Variants in ZNF438 observed in about 807,000 individuals in gnomAD.
ZNF438 encodes the protein zinc finger protein 438.
In ZNF438, 25 loss-of-function variants were observed where a neutral mutation model predicts 38.0. The observed-to-expected ratio is 0.66, with a 90% CI of 0.48 to 0.92. The LOEUF is 0.92. Among genes scored for constraint, ZNF438 ranks in the 40% least tolerant of loss-of-function variants. The pLI, the probability that ZNF438 is intolerant of heterozygous loss-of-function variation, is 0.00. For synonymous variants in ZNF438, 372 were observed against 364.1 expected (o/e 1.02, Z -0.25); for missense variants, 1,007 against 999.6 (o/e 1.01, Z -0.10).
rs142394050 is a variant in ZNF438, at chr10:30,975,800, A to G, written c.-191-34149T>C. Among the ~76,000 whole-genome samples, 617 of 152,322 alleles carry G rather than the reference A, an allele frequency of 4.1e-3. 7 individuals carry two copies. Among genetic ancestry groups the G allele is most frequent in the African/African-American group, 0.014 (579 of 41,586 alleles). ...TGGTTTAAGATTCCTTTTGATAAAT[A>G]CTTGAAAAAGTAGAAATTAAGGTTG... On this transcript the variant is annotated intron_variant, in intron 1 of 5. Coordinates refer to ENST00000413025, the Ensembl canonical transcript of ZNF438.
At chr10:30,979,740 C>A (rs1465738765) in intron 1 of ZNF438, among the ~76,000 whole-genome samples, 1 of 152,150 alleles carries the variant, frequency 6.6e-6, no homozygotes, top group Non-Finnish European at 1.5e-5. Context: ...AAGTCTCCCA[C>A]TATTATTGTG....
chr10:30,937,275 A>G (rs759119903), intron 2 of ZNF438, among the ~76,000 whole-genome samples: 5 of 152,244 alleles, frequency 3.3e-5, no homozygotes, highest in Non-Finnish European at 7.3e-5. Context: ...TGGGTCTAAC[A>G]TCAGAAAATT....
chr10:30,858,519 G>C (rs2035061358), intron 4 of ZNF438, among the ~76,000 whole-genome samples: 2 of 152,210 alleles, frequency 1.3e-5, no homozygotes, highest in Non-Finnish European at 2.9e-5. Context: ...GAGTCAACAG[G>C]AATTTATTGA....
rs186102921 is a variant in ZNF438, at chr10:30,847,866, C to G, written c.1874+665G>C. Reference sequence around the variant, plus strand: ...CCACGCTCACTCACACATCCCTCACCACTCTGTGCCTGGCTCGCCCTTGGC... The same window carrying G: ...CCACGCTCACTCACACATCCCTCACGACTCTGTGCCTGGCTCGCCCTTGGC... On this transcript the variant is annotated intron_variant, in intron 5 of 5. Coordinates refer to ENST00000413025, the Ensembl canonical transcript of ZNF438. 3.0e-3 allele frequency among the ~76,000 whole-genome samples: 456 copies of G among 152,354 alleles called. 2 individuals carry two copies. The highest frequency in any genetic ancestry group is 0.011 in the African/African-American group (442 of 41,576).
At chr10:30,908,021 T>C (rs766676681) in intron 3 of ZNF438, among the ~76,000 whole-genome samples, 3 of 152,170 alleles carry the variant, frequency 2.0e-5, no homozygotes, top group Non-Finnish European at 4.4e-5. Flanking sequence ...AATTTTGGTA[T>C]GTAGTGCTTT....
Position 30,983,378 on chromosome 10 carries a change from G to A in ZNF438, c.-191-41727C>T, listed in dbSNP as rs185580315. Among the ~76,000 whole-genome samples the A allele has an allele frequency of 3.9e-3, 587 of 152,304 alleles. 8 individuals are homozygous for A. The highest frequency in any genetic ancestry group is 3.7e-3 in the Non-Finnish European group (255 of 68,026). On this transcript the variant is annotated intron_variant, in intron 1 of 5. Transcript: ENST00000413025. The stretch of plus-strand genomic sequence containing the variant: ...GCCTCAAGAAACTTTCAACCACAGC[G>A]GAAGGCAAAGGGGAAGCAGGTACAT...
At chr10:31,011,838 A>G (rs1290807353) in intron 1 of ZNF438, among the ~76,000 whole-genome samples, 1 of 152,232 alleles carries the variant, frequency 6.6e-6, no homozygotes, top group East Asian at 1.9e-4. Context: ...TCTGACTCAC[A>G]CTTTCAACGG....
chr10:30,979,367 C>T (rs1231403482), intron 1 of ZNF438, among the ~76,000 whole-genome samples: 4 of 152,324 alleles, frequency 2.6e-5, no homozygotes, highest in Non-Finnish European at 5.9e-5. Context: ...AATGCTATCC[C>T]CATCAAGCTA....
At chr10:30,931,227 C>T (rs1487119096) in intron 2 of ZNF438, among the ~76,000 whole-genome samples, 1 of 152,192 alleles carries the variant, frequency 6.6e-6, no homozygotes, top group African/African-American at 2.4e-5. Flanking sequence ...GGTCATCTTA[C>T]TGACCATGCC....
intron 1 of ZNF438, among the ~76,000 whole-genome samples, chr10:30,943,758 T>C (rs2135559447): frequency 6.6e-6 from 1 of 152,224 alleles, no homozygotes; most frequent in East Asian, 1.9e-4. Context: ...GGAACAAAGG[T>C]GGCATGCTGA....
At chr10:30,919,833 C>T (rs1460898673) in intron 2 of ZNF438, 1 of 152,110 alleles carries the variant, frequency 6.6e-6, no homozygotes, top group Non-Finnish European at 1.5e-5. Flanking sequence ...GCCCGGCTGA[C>T]AAATTTTTAT....
chr10:30,899,641 G>A (rs889439542), intron 3 of ZNF438, among the ~76,000 whole-genome samples: 1 of 151,886 alleles, frequency 6.6e-6, no homozygotes, highest in Non-Finnish European at 1.5e-5. Flanking sequence ...CAAACGTACT[G>A]AACCTCCTCC....
intron 3 of ZNF438, among the ~76,000 whole-genome samples, chr10:30,905,615 C>T (rs1363028076): frequency 1.3e-5 from 2 of 152,030 alleles, no homozygotes; most frequent in African/African-American, 4.8e-5. Context: ...TAGTGTAGTC[C>T]ATCTTACATA....
intron 3 of ZNF438, among the ~76,000 whole-genome samples, chr10:30,908,416 A>G (rs2042782585): frequency 6.6e-6 from 1 of 152,178 alleles, no homozygotes; most frequent in African/African-American, 2.4e-5. Context: ...AATGGAGCTC[A>G]AGCTATTCTG....
chr10:30,953,667 CACAA>C (rs1283001831), intron 1 of ZNF438, among the ~76,000 whole-genome samples: 1 of 97,614 alleles, frequency 1.0e-5, no homozygotes, highest in African/African-American at 5.9e-5. Context: ...CACACACACA[CACAA>C]AAAAAAAACA....
At chr10:30,964,008 G>C (rs1444634680) in intron 1 of ZNF438, among the ~76,000 whole-genome samples, 1 of 152,140 alleles carries the variant, frequency 6.6e-6, no homozygotes, top group African/African-American at 2.4e-5. Context: ...AAGTCTGGGA[G>C]GATTTCCTAC....
chr10:30,924,945 GTTAA>G (rs1181100035), intron 2 of ZNF438, among the ~76,000 whole-genome samples: 2 of 152,106 alleles, frequency 1.3e-5, no homozygotes, highest in Non-Finnish European at 2.9e-5. Flanking sequence ...TATGTAGGAT[GTTAA>G]TTATTTCAAA....
In ZNF438 at chr10:30,936,888, C is replaced by T. The variant is rs148763539; in HGVS notation, c.-115+4687G>A. Among the ~76,000 whole-genome samples the T allele has an allele frequency of 1.9e-3, 287 of 152,172 alleles. 3 individuals carry two copies. Among genetic ancestry groups the T allele is most frequent in the Non-Finnish European group, 1.6e-3 (108 of 68,004 alleles). Reference sequence around the variant, plus strand: ...TTATGCTTTGAACTTATTCTCTGCTCTCTAATTAATGTGGTTCATTGCCTC... The same window carrying T: ...TTATGCTTTGAACTTATTCTCTGCTTTCTAATTAATGTGGTTCATTGCCTC... On this transcript the variant is annotated intron_variant, in intron 2 of 5. Coordinates refer to ENST00000413025, the Ensembl canonical transcript of ZNF438.
At chr10:30,864,788 C>T (rs949195556) in intron 4 of ZNF438, among the ~76,000 whole-genome samples, 14 of 152,306 alleles carry the variant, frequency 9.2e-5, no homozygotes, top group African/African-American at 3.1e-4. Context: ...TGTACATATA[C>T]ACCGCCTCTA....
Sources: gnomAD v4.1 joint callset for allele counts (sites outside exome capture counted in the v4.1 genomes callset) on GRCh38, gnomAD v4.1.1 for gene constraint, MANE v1.5 for transcripts, NCBI Gene and HGNC (gene_info 2026-07-23, HGNC 2026-07-21) for gene names.